The following SLC15A3 variants were observed in gnomAD, a reference collection of about 807,000 sequenced individuals.
SLC15A3 encodes osteoclast transporter.
Under a neutral mutation model 49.2 loss-of-function variants are expected in SLC15A3, and 39 were observed. The ratio of observed to expected loss-of-function variants is 0.79; its 90% CI spans 0.61 to 1.04. The LOEUF is 1.04. Among genes scored for constraint, SLC15A3 ranks in the 50% least tolerant of loss-of-function variants. The probability of loss-of-function intolerance (pLI) is 0.00; values close to 1 mark genes in which losing one functional copy is unlikely to be tolerated. For missense variants in SLC15A3, 758 were observed against 794.8 expected (o/e 0.95, Z 0.56); for synonymous variants, 339 against 367.0 (o/e 0.92, Z 0.87).
intron 5 of SLC15A3, 130 bp downstream of exon 5, chr11:60,940,992 G>A: frequency 1.0e-6 from 1 of 1,001,034 alleles, no homozygotes; most frequent in Non-Finnish European, 1.4e-6. Context: ...GCACCTCTGG[G>A]AAGCCAACAC....
chr11:60,946,048 A>G (rs1309163827), intron 2 of SLC15A3, among the ~76,000 whole-genome samples: 2 of 151,600 alleles, frequency 1.3e-5, no homozygotes, highest in Non-Finnish European at 2.9e-5. Context: ...GCTGGAGTGC[A>G]GTGGCACCAT....
chr11:60,937,800 T>G (rs1856642262), intron 7 of SLC15A3, 70 bp downstream of exon 7: 11 of 1,554,850 alleles, frequency 7.1e-6, no homozygotes, highest in South Asian at 2.4e-5. Flanking sequence ...CAAAGCACTT[T>G]AGCAGTTGCC....
Position 60,937,996 on chromosome 11 carries a change from G to A in SLC15A3, c.1465C>T (p.Arg489Cys), listed in dbSNP as rs367924777. The A allele has an allele frequency of 1.1e-4, 175 of 1,613,916 alleles. No individual in the cohort carries two copies. Among genetic ancestry groups the A allele is most frequent in the Non-Finnish European group, 1.3e-4 (156 of 1,179,964 alleles). Residue 489 changes from arginine to cysteine, a missense_variant, in exon 7 of 8, where the codon CGC (arginine) becomes TGC (cysteine). By Grantham distance (180) the Arg-to-Cys change is radical (BLOSUM62 -3). Transcript: ENST00000227880. ...GLEFAYSEAP[R>C]SMQGAIMGIF... ...CCCATGATGGCGCCCTGCATGGAGC[G>A]CGGGGCCTCTGAGTAGGCAAACTCC... is the stretch of plus-strand genomic sequence containing the variant.
In SLC15A3 at chr11:60,941,156, C is replaced by A. The variant is rs200225689; in HGVS notation, c.1242G>T (p.Gly414=). The A allele has an allele frequency of 5.0e-6, 8 of 1,613,856 alleles. No homozygotes were observed. Among genetic ancestry groups the A allele is most frequent in the Non-Finnish European group, 6.8e-6 (8 of 1,179,884 alleles). The change falls in exon 5 of 8, where the codon GGG becomes GGT. Residue 414 remains glycine, a synonymous_variant. Coordinates refer to ENST00000227880, the MANE Select transcript of SLC15A3 (RefSeq NM_016582.3). ...LPSALQKMAL[G]MFFGFTSVIV... ...TGACGGAGGTAAAACCAAAGAACAT[C>A]CCCAGCGCCATCTTCTGCAGAGCAG...
At chr11:60,938,240 G>A (rs1036460308) in intron 6 of SLC15A3, 10 of 565,070 alleles carry the variant, frequency 1.8e-5, no homozygotes, top group South Asian at 7.2e-5. Context: ...CCCCTGCACC[G>A]GGGTACTCCA....
intron 2 of SLC15A3, among the ~76,000 whole-genome samples, chr11:60,944,938 G>A (rs769659624): frequency 2.0e-5 from 3 of 152,196 alleles, no homozygotes; most frequent in Admixed American, 1.3e-4. Flanking sequence ...GACAATATTA[G>A]TGTAGTCATC....
chr11:60,950,566 T>G (rs187005794), intron 1 of SLC15A3, among the ~76,000 whole-genome samples: 3 of 151,642 alleles, frequency 2.0e-5, no homozygotes, highest in African/African-American at 7.3e-5. Context: ...GGCAGGTGGA[T>G]CACCTGAGGT....
At chr11:60,949,564 G>GAAAGAAAAGAAAAGAAAAGA (rs10664684) in intron 1 of SLC15A3, among the ~76,000 whole-genome samples, 3 of 117,912 alleles carry the variant, frequency 2.5e-5, no homozygotes, top group African/African-American at 8.9e-5. Flanking sequence ...AAGAAAGAAA[G>GAAAGAAAAGAAAAGAAAAGA]AAAGAAAAGA....
Position 60,939,656 on chromosome 11 carries a change from G to A in SLC15A3, c.1277-18C>T, listed in dbSNP as rs752696549. 3 of 1,613,010 alleles carry A rather than the reference G, an allele frequency of 1.9e-6. No homozygotes were observed. The South Asian group carries it at 3.3e-5, about 18-fold the overall frequency. On this transcript the variant is annotated intron_variant, in intron 5 of 7. Transcript: ENST00000227880. Reference sequence around the variant, plus strand: ...CAGGACTCCTGGTGGAGGAGCAGAGGGGGATTATAGTCAGGCCCACCCCAG... The same window carrying A: ...CAGGACTCCTGGTGGAGGAGCAGAGAGGGATTATAGTCAGGCCCACCCCAG...
chr11:60,946,404 G>T, intron 2 of SLC15A3, 128 bp downstream of exon 2: 3 of 1,088,256 alleles, frequency 2.8e-6, no homozygotes, highest in Non-Finnish European at 2.6e-6. Flanking sequence ...CCACTGGAGA[G>T]CAGATCATCA....
intron 1 of SLC15A3, among the ~76,000 whole-genome samples, chr11:60,947,412 C>T (rs1469922403): frequency 2.0e-5 from 3 of 152,212 alleles, no homozygotes; most frequent in African/African-American, 7.2e-5. Context: ...ATCTCCTGAC[C>T]TCGTGATCCG....
chr11:60,941,710 G>A, intron 4 of SLC15A3: 1 of 347,810 alleles, frequency 2.9e-6, no homozygotes, highest in Non-Finnish European at 5.3e-6. Flanking sequence ...GTATCTAAGG[G>A]TCCCAGAGAA....
At chr11:60,938,265 A>G (rs1856655304) in intron 6 of SLC15A3, 1 of 479,088 alleles carries the variant, frequency 2.1e-6, no homozygotes, top group Non-Finnish European at 3.7e-6. Flanking sequence ...CTGCCCCAAT[A>G]GCTCTGTCTC....
At position 60,937,127 on chromosome 11, in the gene SLC15A3, A is replaced by G. The variant is rs569867348; in HGVS notation, c.*92T>C. 206 of 1,516,952 alleles carry G rather than the reference A, an allele frequency of 1.4e-4. No homozygotes were observed. In the African/African-American group the frequency reaches 2.0e-3, roughly 15 times the overall value. The allele number at this position is 1,516,952 out of a possible 1,614,324, so 94.0% of individuals were successfully genotyped here. A position where few individuals can be genotyped will look rare whatever the true frequency, so the allele number is the denominator to read the frequency against. On this transcript the variant is annotated 3_prime_UTR_variant, in exon 8 of 8. Transcript: ENST00000227880. The stretch of plus-strand genomic sequence containing the variant: ...GCCCCTTATTTATGGGAACCATTTC[A>G]TTCTAACAGAATAAACCGAGAAGGA...
Position 60,951,502 on chromosome 11 carries a change from T to G in SLC15A3, c.50A>C (p.Gln17Pro). Residue 17 changes from glutamine (Q) to proline (P), a missense_variant, in exon 1 of 8, where the codon CAG (glutamine) becomes CCG (proline). Transcript: ENST00000227880. Reference sequence around the variant, plus strand: ...CCGCGCACCGCGAGGCAGCAGCGGCTGGCGCTCCCCGGGCACGCGGGGCTG... The same window carrying G: ...CCGCGCACCGCGAGGCAGCAGCGGCGGGCGCTCCCCGGGCACGCGGGGCTG... ...REQPRVPGER[Q>P]PLLPRGARGP... 8.1e-7 allele frequency: 1 copy of G among 1,238,808 alleles called. No individual in the cohort carries two copies. The highest frequency in any genetic ancestry group is 1.0e-6 in the Non-Finnish European group (1 of 986,936). The allele number at this position is 1,238,808 out of a possible 1,614,324, so 76.7% of individuals were successfully genotyped here.
In SLC15A3 at chr11:60,951,204, G is replaced by A. The variant is rs908939644; in HGVS notation, c.348C>T (p.Gly116=). The A allele has an allele frequency of 4.7e-6, 7 of 1,502,296 alleles. No homozygotes were observed. Among genetic ancestry groups the A allele is most frequent in the East Asian group, 2.8e-5 (1 of 36,314 alleles). The allele number at this position is 1,502,296 out of a possible 1,614,324, so 93.1% of individuals were successfully genotyped here. Residue 116 remains glycine (G), a synonymous_variant, in exon 1 of 8, where the codon GGC becomes GGT. Transcript: ENST00000227880. ...LSLLLYLAAS[G]LLPATAFPDG... The stretch of plus-strand genomic sequence containing the variant: ...CGGGGAAGGCGGTGGCGGGCAGCAG[G>A]CCCGAGGCGGCCAGGTAGAGCAGCA...
rs750071947 is a variant in SLC15A3 at position 60,946,839 on chromosome 11, G to GT, written c.559-19dup. 5.4e-5 allele frequency: 86 copies of GT among 1,599,082 alleles called. No individual in the cohort carries two copies. Among genetic ancestry groups the GT allele is most frequent in the Non-Finnish European group, 7.1e-5 (83 of 1,175,000 alleles). Reference sequence around the variant, plus strand: ...TCCATCACCTGCCATTCAGGAAGGGGTGACAGTGAGGGCCAAAGGGGTCCG... The same window carrying GT: ...TCCATCACCTGCCATTCAGGAAGGGGTTGACAGTGAGGGCCAAAGGGGTCCG... On this transcript the variant is annotated intron_variant, in intron 1 of 7. Transcript: ENST00000227880.
Position 60,946,675 on chromosome 11 carries a change from G to A in SLC15A3, c.705C>T (p.Gly235=), listed in dbSNP as rs1467832011. The A allele has an allele frequency of 1.1e-5, 18 of 1,614,106 alleles. No individual in the cohort carries two copies. Among genetic ancestry groups the A allele is most frequent in the African/African-American group, 4.0e-5 (3 of 74,932 alleles). ...SFLLGYSIPV[G]CVGLAFFIFL... ...AGATGAAAAATGCCAGGCCCACACA[G>A]CCCACAGGGATGCTGTAGCCCAGCA... Residue 235 remains glycine (G), a synonymous_variant, in exon 2 of 8, where the codon GGC becomes GGT. Transcript: ENST00000227880.
In SLC15A3 at chr11:60,950,972, G is replaced by A. The variant is rs1296216543; in HGVS notation, c.558+22C>T. ...CCTCCACACCCGCCGGAGTATGCCG[G>A]GGCAGGCCTCCTGCCACTCACCTGG... On this transcript the variant is annotated intron_variant, in intron 1 of 7. Transcript: ENST00000227880. 5.6e-6 allele frequency: 8 copies of A among 1,416,544 alleles called. No individual in the cohort carries two copies. In the East Asian group the frequency reaches 2.1e-4, roughly 37 times the overall value. 87.7% of individuals were successfully genotyped at this position (1,416,544 alleles called of 1,614,324 possible). A position where few individuals can be genotyped will look rare whatever the true frequency, so the allele number is the denominator to read the frequency against.
Sources: gnomAD v4.1 joint callset for allele counts (sites outside exome capture counted in the v4.1 genomes callset) on GRCh38, gnomAD v4.1.1 for gene constraint, MANE v1.5 for transcripts, NCBI Gene and HGNC (gene_info 2026-07-23, HGNC 2026-07-21) for gene names.